Variants in DGLUCY observed in about 807,000 individuals in gnomAD.
The protein encoded by DGLUCY is D-glutamate cyclase, mitochondrial.
In DGLUCY, 58 loss-of-function variants were observed where a neutral mutation model predicts 58.5. The observed-to-expected ratio is 0.99, with a 90% CI of 0.80 to 1.23. The LOEUF (loss-of-function observed/expected upper bound fraction) is 1.23, where lower values mean the gene tolerates loss of function less well. Among genes scored for constraint, DGLUCY ranks in the 50% most tolerant of loss-of-function variants. The pLI is 0.00. For synonymous variants in DGLUCY, 325 were observed against 314.1 expected, an observed-to-expected ratio of 1.03 and a Z score of -0.37; for missense variants, 779 against 784.7, an observed-to-expected ratio of 0.99 and a Z score of 0.09.
At chr14:91,108,269 G>C (rs181751866) in intron 1 of DGLUCY, among the ~76,000 whole-genome samples, 1 of 152,012 alleles carries the variant, frequency 6.6e-6, no homozygotes, top group Admixed American at 6.6e-5. Flanking sequence ...TTTGGTACTG[G>C]GTTCATCATG....
intron 12 of DGLUCY, among the ~76,000 whole-genome samples, chr14:91,207,830 T>C (rs1283201318): frequency 6.6e-6 from 1 of 152,110 alleles, no homozygotes; most frequent in Admixed American, 6.6e-5. Context: ...CGCCACAGCC[T>C]CCTCCTCCCA....
chr14:91,162,994 A>T (rs1338373229), intron 3 of DGLUCY, among the ~76,000 whole-genome samples: 2 of 152,048 alleles, frequency 1.3e-5, no homozygotes, highest in Admixed American at 6.6e-5. Flanking sequence ...ATGACGGCTC[A>T]CACCTGTAAT....
chr14:91,167,335 G>C lies in DGLUCY; in HGVS notation c.214G>C (p.Glu72Gln). ...ACCCCTGCTGGGCCAGAGTGAGCCA[G>C]AAAAGTGGATGCTGCCCCCTCAAGG... ...PLPLLGQSEP[E>Q]KWMLPPQGAI... The change falls in exon 4 of 14, where the codon GAA becomes CAA. Residue 72 changes from glutamate to glutamine, a missense_variant. Transcript: ENST00000256324. The C allele has an allele frequency of 2.5e-6, 4 of 1,614,060 alleles. No individual in the cohort carries two copies. Among genetic ancestry groups the C allele is most frequent in the Non-Finnish European group, 3.4e-6 (4 of 1,179,992 alleles).
At chr14:91,157,014 G>A (rs1288633937) in intron 1 of DGLUCY, among the ~76,000 whole-genome samples, 1 of 152,342 alleles carries the variant, frequency 6.6e-6, no homozygotes, top group African/African-American at 2.4e-5. Flanking sequence ...TGGGTGAATG[G>A]ATGAATGGCT....
chr14:91,224,602 C>T (rs1343447494), intron 13 of DGLUCY, 82 bp from the exon 14 acceptor site: 1 of 1,371,484 alleles, frequency 7.3e-7, no homozygotes, highest in African/African-American at 1.5e-5. Flanking sequence ...GCAAAGGATC[C>T]TTCTCACTTA....
intron 13 of DGLUCY, chr14:91,220,383 G>A (rs867396738): frequency 8.0e-5 from 34 of 423,032 alleles, no homozygotes; most frequent in African/African-American, 1.8e-4. Flanking sequence ...AATGCCAACC[G>A]TCATTATCAT....
At chr14:91,110,569 T>C (rs2140097944), upstream of DGLUCY, among the ~76,000 whole-genome samples, 1 of 151,890 alleles carries the variant, frequency 6.6e-6, no homozygotes, top group South Asian at 2.1e-4. Flanking sequence ...TAGCTGGGAC[T>C]ACAGGCGCCC....
intron 1 of DGLUCY, among the ~76,000 whole-genome samples, chr14:91,144,405 C>T (rs148782781): frequency 1.3e-5 from 2 of 152,096 alleles, no homozygotes; most frequent in African/African-American, 4.8e-5. Context: ...ACTAAAGATA[C>T]AGAAATTAGC....
intron 1 of DGLUCY, among the ~76,000 whole-genome samples, chr14:91,065,780 G>A (rs1345329179): frequency 1.3e-5 from 2 of 152,182 alleles, no homozygotes; most frequent in Non-Finnish European, 2.9e-5. Flanking sequence ...ATGAGTAGCT[G>A]AAAACACCAA....
intron 1 of DGLUCY, among the ~76,000 whole-genome samples, chr14:91,084,204 CTTTT>C (rs35881437): frequency 7.3e-6 from 1 of 136,630 alleles, no homozygotes; most frequent in Non-Finnish European, 1.6e-5. Context: ...ATCTGTCTCT[CTTTT>C]TTTTTTTTTT....
intron 7 of DGLUCY, 83 bp downstream of exon 7, chr14:91,176,139 G>A (rs1167764595): frequency 1.4e-5 from 21 of 1,475,402 alleles, no homozygotes; most frequent in Non-Finnish European, 1.8e-5. Context: ...TATTCTCGTA[G>A]TACAATGATT....
intron 1 of DGLUCY, chr14:91,091,221 C>G (rs907768153): frequency 6.6e-6 from 1 of 151,948 alleles, no homozygotes; most frequent in African/African-American, 2.4e-5. Flanking sequence ...TGGAAAGCCC[C>G]CCTCAAAAAA....
In DGLUCY at chr14:91,209,111, C is replaced by T. The variant is rs565053443; in HGVS notation, c.1564+4286C>T. 4.0e-5 allele frequency among the ~76,000 whole-genome samples: 6 copies of T among 151,314 alleles called. No individual in the cohort carries two copies. The South Asian group carries it at 6.3e-4, about 16-fold the overall frequency. On this transcript the variant is annotated intron_variant, in intron 12 of 13. Coordinates refer to ENST00000256324, the MANE Select transcript of DGLUCY (RefSeq NM_001102368.3). ...GGTGGATCACCTGAGGTCAGGAGTT[C>T]GAGACCAGCCTTGCCAACATGGTGA...
Position 91,175,740 on chromosome 14 carries a change from T to C in DGLUCY, c.608-194T>C, listed in dbSNP as rs1210763025. The C allele has an allele frequency of 2.5e-5, 13 of 516,626 alleles. No homozygotes were observed. In the East Asian group the frequency reaches 4.7e-4, roughly 19 times the overall value. 32.0% of individuals were successfully genotyped at this position (516,626 alleles called of 1,614,324 possible). Reference sequence around the variant, plus strand: ...TGTTTTCTGAAACCACCATGCCACATGGACTGTAAATTATGGAGTAGCCTG... The same window carrying C: ...TGTTTTCTGAAACCACCATGCCACACGGACTGTAAATTATGGAGTAGCCTG... On this transcript the variant is annotated intron_variant, in intron 6 of 13. Coordinates refer to ENST00000256324, the MANE Select transcript of DGLUCY (RefSeq NM_001102368.3).
At chr14:91,166,543 T>C (rs1026145439) in intron 3 of DGLUCY, among the ~76,000 whole-genome samples, 2 of 152,066 alleles carry the variant, frequency 1.3e-5, no homozygotes, top group Non-Finnish European at 1.5e-5. Flanking sequence ...TGCACACCTA[T>C]AGTCCCAGCT....
intron 1 of DGLUCY, among the ~76,000 whole-genome samples, chr14:91,074,158 CA>C (rs2043974251): frequency 6.8e-6 from 1 of 146,742 alleles, no homozygotes; most frequent in African/African-American, 2.5e-5. Context: ...CACACACACA[CA>C]CAGTCAAGCA....
Position 91,224,951 on chromosome 14 carries a change from A to G in DGLUCY, c.*118A>G, listed in dbSNP as rs1189221535. On this transcript the variant is annotated 3_prime_UTR_variant, in exon 14 of 14. Coordinates refer to ENST00000256324, the MANE Select transcript of DGLUCY (RefSeq NM_001102368.3). ...AACACTGGTCTTCGGTGAGCAACGA[A>G]CACTCGCCTGGCCTGGGAAACTGCA... is the stretch of plus-strand genomic sequence containing the variant. 1 of 1,222,234 alleles carries G rather than the reference A, an allele frequency of 8.2e-7. No individual in the cohort carries two copies. The highest frequency in any genetic ancestry group is 1.5e-5 in the African/African-American group (1 of 65,482). The allele number at this position is 1,222,234 out of a possible 1,614,324, so 75.7% of individuals were successfully genotyped here. A position where few individuals can be genotyped will look rare whatever the true frequency, so the allele number is the denominator to read the frequency against.
At chr14:91,125,265 T>TA (rs1212298690) in intron 1 of DGLUCY, among the ~76,000 whole-genome samples, 8 of 152,334 alleles carry the variant, frequency 5.3e-5, no homozygotes, top group African/African-American at 1.9e-4. Flanking sequence ...GTTCAAGTAC[T>TA]ATTTCTTTAC....
chr14:91,102,949 A>G (rs1173289870), intron 1 of DGLUCY, among the ~76,000 whole-genome samples: 2 of 151,874 alleles, frequency 1.3e-5, no homozygotes, highest in Non-Finnish European at 2.9e-5. Flanking sequence ...TTTAGTAGAG[A>G]TGGGATTTCA....
Sources: allele counts gnomAD v4.1 joint callset (sites outside exome capture counted in the v4.1 genomes callset), GRCh38; gene constraint gnomAD v4.1.1; transcripts MANE v1.5; gene names NCBI Gene and HGNC (gene_info 2026-07-23, HGNC 2026-07-21).